The following ARHGEF10 variants were observed in gnomAD, a reference collection of about 807,000 sequenced individuals.
ARHGEF10 encodes Rho guanine nucleotide exchange factor 10.
A neutral mutation model predicts 147.4 loss-of-function variants in ARHGEF10; 140 were observed. That is an observed-to-expected ratio of 0.95 (90% CI 0.83 to 1.09). ARHGEF10 has a LOEUF of 1.09. ARHGEF10 is among the 50% of genes least tolerant of loss of function. ARHGEF10 has a pLI of 0.00. For missense variants in ARHGEF10, 2,222 were observed against 1,752.7 expected, an observed-to-expected ratio of 1.27 and a Z score of -4.78; for synonymous variants, 902 against 695.8, an observed-to-expected ratio of 1.30 and a Z score of -4.67.
intron 7 of ARHGEF10, among the ~76,000 whole-genome samples, chr8:1,872,444 C>G (rs189836862): frequency 1.3e-5 from 2 of 152,192 alleles, no homozygotes; most frequent in African/African-American, 4.8e-5. Flanking sequence ...TAAACTCCCT[C>G]ACCTGCGAAG....
chr8:1,870,233 A>ATTTTTTTTT, intron 7 of ARHGEF10: 1 of 98,766 alleles, frequency 1.0e-5, no homozygotes, highest in Non-Finnish European at 2.0e-5. Flanking sequence ...CTTGTTACCG[A>ATTTTTTTTT]TTTTTTTTTT....
chr8:1,952,778 C>A lies in ARHGEF10; in HGVS notation c.3471C>A (p.Val1157=), dbSNP rs1815162947. 6.2e-7 allele frequency: 1 copy of A among 1,613,552 alleles called. No individual in the cohort carries two copies. Among genetic ancestry groups the A allele is most frequent in the Admixed American group, 1.7e-5 (1 of 60,016 alleles). ...TGATGGTCGGCACCAGCCTGGGAGTCCTCGTGGCCCTGCCGGTCCCACGTC... is the reference window on the plus strand; with the variant it reads ...TGATGGTCGGCACCAGCCTGGGAGTACTCGTGGCCCTGCCGGTCCCACGTC... ...GLLMVGTSLG[V]LVALPVPRLQ... The change falls in exon 28 of 29, where the codon GTC becomes GTA. Residue 1157 remains valine (V), a synonymous_variant. Transcript: ENST00000349830.
intron 15 of ARHGEF10, among the ~76,000 whole-genome samples, chr8:1,900,449 G>T (rs941584877): frequency 6.6e-6 from 1 of 152,120 alleles, no homozygotes; most frequent in African/African-American, 2.4e-5. Context: ...GACACAGCCC[G>T]ACAGATGTGC....
At chr8:1,862,715 G>A in intron 4 of ARHGEF10, among the ~76,000 whole-genome samples, 1 of 151,962 alleles carries the variant, frequency 6.6e-6, no homozygotes, top group East Asian at 1.9e-4. Context: ...TTGTCCCTCT[G>A]CAAAACACAA....
chr8:1,928,051 A>G (rs1812819253), intron 23 of ARHGEF10, among the ~76,000 whole-genome samples: 1 of 152,238 alleles, frequency 6.6e-6, no homozygotes, highest in African/African-American at 2.4e-5. Flanking sequence ...TTATTTTCTT[A>G]GCCTAGGTCA....
chr8:1,857,508 C>G (rs574749745), intron 2 of ARHGEF10, among the ~76,000 whole-genome samples: 2 of 151,834 alleles, frequency 1.3e-5, no homozygotes, highest in Non-Finnish European at 2.9e-5. Flanking sequence ...CAACCTCCGC[C>G]TCTCGGGTTC....
intron 18 of ARHGEF10, among the ~76,000 whole-genome samples, chr8:1,910,697 C>A (rs1811292230): frequency 6.6e-6 from 1 of 152,002 alleles, no homozygotes; most frequent in African/African-American, 2.4e-5. Context: ...AAATTGGATG[C>A]CTTGTTAAAG....
chr8:1,956,853 G>T lies in ARHGEF10; in HGVS notation c.3625G>T (p.Ala1209Ser). The change falls in exon 29 of 29, where the codon GCT becomes TCT. Residue 1209 changes from alanine to serine, a missense_variant. Ala to Ser is a moderately conservative substitution (Grantham distance 99, BLOSUM62 1). Transcript: ENST00000349830. ...CAAGGACAAATCCAGGGACAGCCTGGCTCCTGGCCCCGAGCCTCAGGACGA... is the reference window on the plus strand; with the variant it reads ...CAAGGACAAATCCAGGGACAGCCTGTCTCCTGGCCCCGAGCCTCAGGACGA... ...KDKDKSRDSL[A>S]PGPEPQDEDQ... The T allele has an allele frequency of 2.5e-6, 4 of 1,614,046 alleles. No homozygotes were observed. The highest frequency in any genetic ancestry group is 3.4e-6 in the Non-Finnish European group (4 of 1,180,030).
At chr8:1,890,507 C>T (rs1809426268) in intron 11 of ARHGEF10, among the ~76,000 whole-genome samples, 3 of 145,138 alleles carry the variant, frequency 2.1e-5, no homozygotes, top group Non-Finnish European at 4.5e-5. Flanking sequence ...TGAGGAGATT[C>T]TGAGTGGGGC....
intron 10 of ARHGEF10, among the ~76,000 whole-genome samples, 198 bp from the exon 11 acceptor site, chr8:1,885,403 A>C (rs1250733856): frequency 6.6e-6 from 1 of 152,210 alleles, no homozygotes; most frequent in African/African-American, 2.4e-5. Flanking sequence ...AAATACAGAC[A>C]AATATTGTAT....
chr8:1,888,131 TTG>T lies in ARHGEF10; in HGVS notation c.1182+2425_1182+2426del, dbSNP rs1563233477. Among the ~76,000 whole-genome samples the T allele has an allele frequency of 1.5e-3, 53 of 34,244 alleles. 9 individuals carry two copies. In the African/African-American group the frequency reaches 0.022, roughly 14 times the overall value. The allele number at this position is 34,244 out of a possible 152,430, so 22.5% of individuals were successfully genotyped here. A position where few individuals can be genotyped will look rare whatever the true frequency, so the allele number is the denominator to read the frequency against. The stretch of plus-strand genomic sequence containing the variant: ...AGGAGACACTTAGTGGGGTGAGGGT[TTG>T]CGAGGAGACACTTAGTGGGGCGAGG... On this transcript the variant is annotated intron_variant, in intron 11 of 28. Transcript: ENST00000349830.
At chr8:1,873,024 G>A (rs1337579906) in intron 7 of ARHGEF10, among the ~76,000 whole-genome samples, 1 of 152,230 alleles carries the variant, frequency 6.6e-6, no homozygotes, top group African/African-American at 2.4e-5. Context: ...GCGTGGTCTG[G>A]TGACTCAGAA....
At chr8:1,922,543 G>C (rs763589165) in intron 18 of ARHGEF10, among the ~76,000 whole-genome samples, 5 of 152,112 alleles carry the variant, frequency 3.3e-5, no homozygotes, top group Non-Finnish European at 4.4e-5. Context: ...GGAGATTTCA[G>C]GGACGTGACC....
intron 13 of ARHGEF10, among the ~76,000 whole-genome samples, chr8:1,895,726 A>G (rs1000342234): frequency 2.6e-5 from 4 of 152,216 alleles, no homozygotes; most frequent in African/African-American, 9.6e-5. Context: ...GAGCTCTGCC[A>G]TCCATCCTAA....
intron 6 of ARHGEF10, 132 bp from the exon 7 acceptor site, chr8:1,869,060 TAA>T: frequency 1.4e-6 from 1 of 727,104 alleles, no homozygotes; most frequent in Non-Finnish European, 2.4e-6. Flanking sequence ...AAGTAAAAAA[TAA>T]AAAAAAAACT....
intron 25 of ARHGEF10, among the ~76,000 whole-genome samples, chr8:1,930,053 C>T (rs947099078): frequency 5.9e-5 from 9 of 152,268 alleles, no homozygotes; most frequent in Non-Finnish European, 1.2e-4. Flanking sequence ...ATCTGGCCGC[C>T]GCTGCTTGTG....
At chr8:1,865,551 C>G (rs1445571753) in intron 5 of ARHGEF10, among the ~76,000 whole-genome samples, 1 of 152,030 alleles carries the variant, frequency 6.6e-6, no homozygotes, top group Non-Finnish European at 1.5e-5. Flanking sequence ...TCCCCCGGCA[C>G]CCAGGGGGCC....
At chr8:1,852,159 C>G (rs368584769) in intron 2 of ARHGEF10, among the ~76,000 whole-genome samples, 8 of 152,146 alleles carry the variant, frequency 5.3e-5, no homozygotes, top group African/African-American at 1.9e-4. Context: ...CTGGCCACCC[C>G]AAGTGCAATA....
At position 1,858,082 on chromosome 8, in the gene ARHGEF10, G is replaced by C; in HGVS notation, c.160G>C (p.Gly54Arg). The change falls in exon 3 of 29, where the codon GGT becomes CGT. Residue 54 changes from glycine to arginine, a missense_variant. Coordinates refer to ENST00000349830, the MANE Select transcript of ARHGEF10 (RefSeq NM_014629.4). ...GGCCCCATCCGCCCCTGAGACAGGAGGTGCTGGAGCCAGTGAAGCCCCTGC... is the reference window on the plus strand; with the variant it reads ...GGCCCCATCCGCCCCTGAGACAGGACGTGCTGGAGCCAGTGAAGCCCCTGC... The part of the protein sequence containing the change: ...RQAPSAPETG[G>R]AGASEAPAPT... 1.2e-6 allele frequency: 2 copies of C among 1,614,146 alleles called. No homozygotes were observed. The highest frequency in any genetic ancestry group is 2.7e-5 in the African/African-American group (2 of 75,052).
Sources: gnomAD v4.1 joint callset for allele counts (sites outside exome capture counted in the v4.1 genomes callset) on GRCh38, gnomAD v4.1.1 for gene constraint, MANE v1.5 for transcripts, NCBI Gene and HGNC (gene_info 2026-07-23, HGNC 2026-07-21) for gene names.